Variants in SETD2 observed in about 807,000 individuals in gnomAD.
The protein encoded by SETD2 is SET domain containing 2, histone lysine methyltransferase, also known as histone-lysine N-methyltransferase SETD2.
In SETD2, 31 loss-of-function variants were observed where a neutral mutation model predicts 242.1. The ratio of observed to expected loss-of-function variants is 0.13; its 90% CI spans 0.10 to 0.17. The LOEUF is 0.17. SETD2 is among the 10% of genes least tolerant of loss of function. The pLI is 1.00. For synonymous variants in SETD2, 1,006 were observed against 1,066.5 expected (o/e 0.94, Z 1.11); for missense variants, 2,481 against 3,046.3 (o/e 0.81, Z 4.37).
At chr3:47,044,874 A>T (rs963164093) in intron 16 of SETD2, among the ~76,000 whole-genome samples, 1 of 152,204 alleles carries the variant, frequency 6.6e-6, no homozygotes, top group African/African-American at 2.4e-5. Flanking sequence ...AAACATTTTG[A>T]GTGCTGACAT....
chr3:47,158,749 T>C (rs1329021028), intron 1 of SETD2, among the ~76,000 whole-genome samples: 1 of 152,200 alleles, frequency 6.6e-6, no homozygotes, highest in African/African-American at 2.4e-5. Flanking sequence ...AGATTGGTAC[T>C]TCTAACTCCC....
chr3:47,035,962 T>C (rs2038976669), intron 18 of SETD2, among the ~76,000 whole-genome samples: 1 of 152,254 alleles, frequency 6.6e-6, no homozygotes, highest in Non-Finnish European at 1.5e-5. Flanking sequence ...CTAAGTGATT[T>C]ATGTGATTCA....
chr3:47,098,108 C>T, intron 8 of SETD2, 27 bp from the exon 9 acceptor site: 1 of 1,612,528 alleles, frequency 6.2e-7, no homozygotes, highest in South Asian at 1.1e-5. Context: ...GGAAAGAAGT[C>T]AGCTATGTGG....
intron 12 of SETD2, among the ~76,000 whole-genome samples, chr3:47,070,521 G>A (rs2040775479): frequency 6.6e-6 from 1 of 152,202 alleles, no homozygotes; most frequent in Non-Finnish European, 1.5e-5. Context: ...ATTGAAAGCT[G>A]AGAAGGAAGC....
chr3:47,036,516 A>G (rs981496502), intron 18 of SETD2, among the ~76,000 whole-genome samples: 1 of 150,630 alleles, frequency 6.6e-6, no homozygotes, highest in Non-Finnish European at 1.5e-5. Flanking sequence ...GATCACACCA[A>G]AAAAAACAAA....
chr3:47,120,957 C>T lies in SETD2; in HGVS notation c.3679G>A (p.Asp1227Asn), dbSNP rs2107747911. 6.2e-7 allele frequency: 1 copy of T among 1,614,230 alleles called. No individual in the cohort carries two copies. Residue 1227 changes from aspartate to asparagine, a missense_variant, in exon 3 of 21, where the codon GAT (aspartate) becomes AAT (asparagine). Physicochemically the swap from Asp to Asn is conservative, Grantham distance 23 (BLOSUM62 1). Transcript: ENST00000409792. ...WQQTTFQNRP[D>N]SRLGKTELSF... is the part of the protein sequence containing the mutation. ...AATTCTGTTTTTCCCAGTCTACTAT[C>T]TGGCCTGTTTTGGAAAGTGGTCTGT...
intron 18 of SETD2, chr3:47,028,774 G>A (rs1475464400): frequency 6.6e-6 from 1 of 152,490 alleles, no homozygotes; most frequent in Admixed American, 6.5e-5. Context: ...ACAGACTCCT[G>A]AGAAGCACAG....
chr3:47,089,163 T>C (rs1298425298), intron 9 of SETD2, among the ~76,000 whole-genome samples: 1 of 152,192 alleles, frequency 6.6e-6, no homozygotes, highest in Non-Finnish European at 1.5e-5. Flanking sequence ...CAGGCAAGGA[T>C]GACCGGGCAT....
intron 18 of SETD2, among the ~76,000 whole-genome samples, chr3:47,033,050 T>G (rs1431287170): frequency 6.6e-5 from 10 of 152,144 alleles, no homozygotes; most frequent in Admixed American, 6.6e-4. Flanking sequence ...AAAAAAAAAT[T>G]CAAAGGTTTC....
At chr3:47,047,306 T>G (rs1251235607) in intron 15 of SETD2, among the ~76,000 whole-genome samples, 1 of 152,126 alleles carries the variant, frequency 6.6e-6, no homozygotes. Flanking sequence ...ATGCCTGGAG[T>G]TTCATAAGAA....
At chr3:47,018,731 C>CGATA (rs1272559516) in intron 19 of SETD2, among the ~76,000 whole-genome samples, 2 of 152,168 alleles carry the variant, frequency 1.3e-5, no homozygotes, top group Non-Finnish European at 2.9e-5. Flanking sequence ...CAATGGTTCC[C>CGATA]GATAACCCAC....
At chr3:47,069,290 GAGA>G (rs538705855) in intron 12 of SETD2, among the ~76,000 whole-genome samples, 104 of 152,224 alleles carry the variant, frequency 6.8e-4, no homozygotes, top group African/African-American at 2.5e-3. Context: ...ACATTATTTT[GAGA>G]AGGAGTACCA....
chr3:47,156,205 G>A (rs1480188785), intron 1 of SETD2, among the ~76,000 whole-genome samples: 1 of 152,148 alleles, frequency 6.6e-6, no homozygotes, highest in Non-Finnish European at 1.5e-5. Context: ...ATGGAACAAT[G>A]AATATTAGGG....
intron 1 of SETD2, among the ~76,000 whole-genome samples, chr3:47,127,936 A>G (rs957326162): frequency 6.6e-6 from 1 of 152,200 alleles, no homozygotes; most frequent in Non-Finnish European, 1.5e-5. Context: ...GCACTGAGCC[A>G]AGATCATGCC....
Position 47,136,079 on chromosome 3 carries a change from G to A in SETD2, c.72-9416C>T, listed in dbSNP as rs79441724. 3.9e-3 allele frequency among the ~76,000 whole-genome samples: 595 copies of A among 152,058 alleles called. 3 individuals carry two copies. The highest frequency in any genetic ancestry group is 0.014 in the African/African-American group (568 of 41,472). On this transcript the variant is annotated intron_variant, in intron 1 of 20. Transcript: ENST00000409792. ...GGATACCTCCTACATCTCAAATATA[G>A]CATGGTCAAAATTGAACTGATGACG...
At chr3:47,103,841 T>C (rs536572875) in intron 6 of SETD2, among the ~76,000 whole-genome samples, 1 of 152,360 alleles carries the variant, frequency 6.6e-6, no homozygotes, top group African/African-American at 2.4e-5. Flanking sequence ...TAACTGATGC[T>C]TTTGGAAGAT....
chr3:47,034,980 A>G (rs189412771), intron 18 of SETD2, among the ~76,000 whole-genome samples: 2 of 152,218 alleles, frequency 1.3e-5, no homozygotes, highest in African/African-American at 2.4e-5. Flanking sequence ...TTTGGATATA[A>G]TACTTTCAAG....
rs114905851 is a variant in SETD2, at chr3:47,102,499, T to C, written c.4917+847A>G. On this transcript the variant is annotated intron_variant, in intron 7 of 20. Transcript: ENST00000409792. ...GGTTCATAGCTTTAACCTTAAAAAG[T>C]TACAATCCCAGCTGGGTGCGGAGGC... Among the ~76,000 whole-genome samples, 1,391 of 152,218 alleles carry C rather than the reference T, an allele frequency of 9.1e-3. 18 individuals carry two copies. Among genetic ancestry groups the C allele is most frequent in the African/African-American group, 0.032 (1,317 of 41,528 alleles).
At chr3:47,066,015 T>C (rs866769823) in intron 13 of SETD2, among the ~76,000 whole-genome samples, 7 of 152,226 alleles carry the variant, frequency 4.6e-5, no homozygotes, top group Middle Eastern at 3.4e-3. Flanking sequence ...TGGATGAAAG[T>C]CCACTTATAT....
Sources: allele counts gnomAD v4.1 joint callset (sites outside exome capture counted in the v4.1 genomes callset), GRCh38; gene constraint gnomAD v4.1.1; transcripts MANE v1.5; gene names NCBI Gene and HGNC (gene_info 2026-07-23, HGNC 2026-07-21).